ANTXR2: variants seen among roughly 807,000 people sequenced by gnomAD.
ANTXR2 encodes the protein anthrax toxin receptor 2.
ANTXR2 carries 44 observed loss-of-function variants against 73.7 expected under a neutral mutation model. The ratio of observed to expected loss-of-function variants is 0.60; its 90% confidence interval spans 0.47 to 0.77. The LOEUF is 0.77. Among genes scored for constraint, ANTXR2 ranks in the 30% least tolerant of loss-of-function variants. The probability of loss-of-function intolerance (pLI) is 0.00; values close to 1 mark genes in which losing one functional copy is unlikely to be tolerated. For missense variants in ANTXR2, 604 were observed against 592.5 expected, an observed-to-expected ratio of 1.02 and a Z score of -0.20; for synonymous variants, 217 against 205.9, an observed-to-expected ratio of 1.05 and a Z score of -0.46.
chr4:80,038,320 T>C (rs1013074804), intron 7 of ANTXR2, among the ~76,000 whole-genome samples: 10 of 152,122 alleles, frequency 6.6e-5, no homozygotes, highest in African/African-American at 2.2e-4. Flanking sequence ...TCTTTTAATT[T>C]GATCCAATCC....
At chr4:80,056,304 G>A (rs763184606) in intron 3 of ANTXR2, among the ~76,000 whole-genome samples, 7 of 151,874 alleles carry the variant, frequency 4.6e-5, no homozygotes, top group Non-Finnish European at 7.4e-5. Context: ...TCAATCACTC[G>A]TTTTCCTAAA....
intron 16 of ANTXR2, among the ~76,000 whole-genome samples, chr4:79,948,754 G>C (rs1260562475): frequency 6.6e-6 from 1 of 152,046 alleles, no homozygotes; most frequent in Non-Finnish European, 1.5e-5. Flanking sequence ...TAAATGCAAA[G>C]AAGGAGAAGG....
intron 16 of ANTXR2, among the ~76,000 whole-genome samples, chr4:79,955,376 A>G (rs1354814307): frequency 1.3e-5 from 2 of 152,192 alleles, no homozygotes; most frequent in Non-Finnish European, 2.9e-5. Context: ...AATACTATGC[A>G]GAATATATGC....
At chr4:80,024,174 A>G (rs1156705331) in intron 10 of ANTXR2, among the ~76,000 whole-genome samples, 1 of 152,152 alleles carries the variant, frequency 6.6e-6, no homozygotes, top group Non-Finnish European at 1.5e-5. Context: ...GAGGAAGAAG[A>G]AAAAAGGATG....
chr4:80,063,334 T>A (rs1336055942), intron 3 of ANTXR2, among the ~76,000 whole-genome samples: 3 of 152,180 alleles, frequency 2.0e-5, no homozygotes, highest in African/African-American at 7.2e-5. Context: ...ACCTCAGGAC[T>A]CTCCATAGTA....
intron 7 of ANTXR2, among the ~76,000 whole-genome samples, chr4:80,048,264 A>G (rs532043511): frequency 6.8e-6 from 1 of 147,850 alleles, no homozygotes; most frequent in Non-Finnish European, 1.5e-5. Flanking sequence ...ATTAAGCATT[A>G]GGTAAAAAAA....
At chr4:80,032,564 T>C (rs916605901) in intron 9 of ANTXR2, among the ~76,000 whole-genome samples, 2 of 151,828 alleles carry the variant, frequency 1.3e-5, no homozygotes, top group African/African-American at 2.4e-5. Flanking sequence ...TAAACACATA[T>C]TGAATAGGTA....
chr4:79,909,852 A>C (rs1457904599), intron 16 of ANTXR2, among the ~76,000 whole-genome samples: 1 of 152,184 alleles, frequency 6.6e-6, no homozygotes, highest in Non-Finnish European at 1.5e-5. Flanking sequence ...AAATCTGTTC[A>C]AGAGTCACTG....
At chr4:80,001,988 G>T (rs954381563) in intron 12 of ANTXR2, among the ~76,000 whole-genome samples, 1 of 151,964 alleles carries the variant, frequency 6.6e-6, no homozygotes, top group Non-Finnish European at 1.5e-5. Flanking sequence ...TACTGCCCAA[G>T]GTAATTTATA....
intron 3 of ANTXR2, among the ~76,000 whole-genome samples, chr4:80,067,879 T>C (rs1195668437): frequency 6.6e-6 from 1 of 152,174 alleles, no homozygotes; most frequent in African/African-American, 2.4e-5. Flanking sequence ...TCAGGATAGA[T>C]AGCTAATGCA....
chr4:79,927,040 T>C (rs1578089543), intron 16 of ANTXR2, among the ~76,000 whole-genome samples: 1 of 108,016 alleles, frequency 9.3e-6, no homozygotes, highest in South Asian at 3.9e-4. Flanking sequence ...TATGTGTGTA[T>C]ATATATGTGC....
intron 16 of ANTXR2, among the ~76,000 whole-genome samples, chr4:79,933,189 A>G (rs1368510752): frequency 1.3e-5 from 2 of 152,200 alleles, no homozygotes; most frequent in Admixed American, 6.5e-5. Flanking sequence ...TGAAAACTAC[A>G]TAATATAAAA....
intron 3 of ANTXR2, among the ~76,000 whole-genome samples, chr4:80,060,590 G>A (rs1734198914): frequency 6.6e-6 from 1 of 152,026 alleles, no homozygotes. Context: ...TATAAAATAG[G>A]AATATAAATA....
chr4:79,977,521 T>G (rs544216447), intron 16 of ANTXR2, 100 bp downstream of exon 16: 1 of 1,509,682 alleles, frequency 6.6e-7, no homozygotes, highest in East Asian at 2.5e-5. Context: ...CTTCCTCAAG[T>G]GCAATAGGGC....
intron 16 of ANTXR2, among the ~76,000 whole-genome samples, chr4:79,948,177 C>G (rs976039042): frequency 6.6e-6 from 1 of 152,096 alleles, no homozygotes; most frequent in Non-Finnish European, 1.5e-5. Flanking sequence ...CTCATCAAAG[C>G]CTTATGCTAG....
At chr4:80,020,243 G>A (rs374237463) in intron 10 of ANTXR2, among the ~76,000 whole-genome samples, 3 of 151,900 alleles carry the variant, frequency 2.0e-5, no homozygotes, top group Non-Finnish European at 4.4e-5. Flanking sequence ...ATAATTAGCC[G>A]GGCATGGTGG....
At chr4:80,053,977 A>G (rs926941822) in intron 7 of ANTXR2, among the ~76,000 whole-genome samples, 1 of 151,882 alleles carries the variant, frequency 6.6e-6, no homozygotes, top group Middle Eastern at 3.4e-3. Flanking sequence ...CTTTCAGGAT[A>G]TCAAGACAGT....
In ANTXR2 at chr4:79,983,821, A is replaced by G. The variant is rs528107813; in HGVS notation, c.1179+57T>C. 82 of 1,312,572 alleles carry G rather than the reference A, an allele frequency of 6.2e-5. No homozygotes were observed. In the African/African-American group the frequency reaches 9.5e-4, roughly 15 times the overall value. 81.3% of individuals were successfully genotyped at this position (1,312,572 alleles called of 1,614,324 possible). The stretch of plus-strand genomic sequence containing the variant: ...TGAAAAGTAGTTTCTATGGCTTAAT[A>G]GCCCTAGAAATACATACTCCAGATT... On this transcript the variant is annotated intron_variant, in intron 14 of 16. Coordinates refer to ENST00000403729, the MANE Select transcript of ANTXR2 (RefSeq NM_058172.6).
chr4:80,034,743 G>A (rs1360258270), intron 8 of ANTXR2, among the ~76,000 whole-genome samples: 1 of 152,056 alleles, frequency 6.6e-6, no homozygotes, highest in Non-Finnish European at 1.5e-5. Context: ...GCTTCTTCAG[G>A]CCTGTTCTCT....
Sources: gnomAD v4.1 joint callset for allele counts (sites outside exome capture counted in the v4.1 genomes callset) on GRCh38, gnomAD v4.1.1 for gene constraint, MANE v1.5 for transcripts, NCBI Gene and HGNC (gene_info 2026-07-23, HGNC 2026-07-21) for gene names.